PRRC2C: variants seen among roughly 807,000 people sequenced by gnomAD.
PRRC2C encodes the protein proline rich coiled-coil 2C.
PRRC2C carries 72 observed loss-of-function variants against 317.2 expected under a neutral mutation model. That is an observed-to-expected ratio of 0.23 (90% CI 0.19 to 0.28). The LOEUF (loss-of-function observed/expected upper bound fraction) is 0.28, where lower values mean the gene tolerates loss of function less well. Among genes scored for constraint, PRRC2C ranks in the 10% least tolerant of loss-of-function variants. The pLI is 1.00. For missense variants in PRRC2C, 3,074 were observed against 3,459.7 expected (o/e 0.89, Z 2.80); for synonymous variants, 1,296 against 1,205.9 (o/e 1.07, Z -1.55).
chr1:171,559,710 G>T (rs143068659), intron 19 of PRRC2C, among the ~76,000 whole-genome samples: 5 of 151,648 alleles, frequency 3.3e-5, no homozygotes, highest in African/African-American at 4.8e-5. Flanking sequence ...TCATAGAGAC[G>T]GGGTTTTGCC....
rs1156998767 is a variant in PRRC2C at position 171,522,177 on chromosome 1, A to T, written c.751A>T (p.Met251Leu). ...ACAATTTTTTGTTTCCTTCATTCAG[A>T]TGTTCCAACAGTATCCGAGGATGAC... is the stretch of plus-strand genomic sequence containing the variant. ...SQYRAMMPPY[M>L]FQQYPRMTYP... Residue 251 changes from methionine to leucine, a missense_variant and splice_region_variant, in exon 7 of 35, where the codon ATG becomes TTG. Around this residue, in one of 11 missense-constraint regions of PRRC2C, gnomAD observed 237 missense variants for 199.5 expected, o/e 1.19. Transcript: ENST00000647382. 1.3e-6 allele frequency: 2 copies of T among 1,537,638 alleles called. No homozygotes were observed. The highest frequency in any genetic ancestry group is 1.8e-6 in the Non-Finnish European group (2 of 1,131,042).
At chr1:171,523,409 A>T (rs934711623) in intron 8 of PRRC2C, 26 bp from the exon 9 acceptor site, 7 of 1,613,568 alleles carry the variant, frequency 4.3e-6, no homozygotes, top group Non-Finnish European at 5.9e-6. Flanking sequence ...TCAAGCAGCC[A>T]GTCTGAGTTT....
chr1:171,506,601 CT>C (rs71107322), intron 1 of PRRC2C, among the ~76,000 whole-genome samples: 43 of 135,738 alleles, frequency 3.2e-4, no homozygotes, highest in Non-Finnish European at 3.7e-4. Flanking sequence ...CACTTAAGGT[CT>C]TTTTTTTTTT....
At position 171,591,763 on chromosome 1, in the gene PRRC2C, C is replaced by G. The variant is rs1168492681; in HGVS notation, c.8613C>G (p.Pro2871=). The change falls in exon 35 of 35, where the codon CCC becomes CCG. Residue 2871 remains proline (P), a synonymous_variant. Transcript: ENST00000647382. ...VCQEKVEEKP[P]PAPSIATKPV... ...AGGAAAAAGTAGAAGAAAAGCCACC[C>G]CCTGCACCCTCCATAGCCACCAAAC... is the stretch of plus-strand genomic sequence containing the variant. 2 of 1,613,430 alleles carry G rather than the reference C, an allele frequency of 1.2e-6. No individual in the cohort carries two copies. Among genetic ancestry groups the G allele is most frequent in the Admixed American group, 1.7e-5 (1 of 59,970 alleles).
intron 22 of PRRC2C, 71 bp from the exon 23 acceptor site, chr1:171,568,176 C>CA (rs1174690412): frequency 5.7e-5 from 85 of 1,478,440 alleles, no homozygotes; most frequent in South Asian, 2.1e-4. Flanking sequence ...TAGCGAGACT[C>CA]AAAAAAAAGA....
intron 22 of PRRC2C, among the ~76,000 whole-genome samples, chr1:171,567,516 A>G (rs1683906629): frequency 6.6e-6 from 1 of 152,218 alleles, no homozygotes. Flanking sequence ...CTGAATTCAT[A>G]TAAGTAATAG....
At chr1:171,530,545 C>CAA (rs1675633412) in intron 11 of PRRC2C, among the ~76,000 whole-genome samples, 1 of 151,918 alleles carries the variant, frequency 6.6e-6, no homozygotes, top group East Asian at 1.9e-4. Context: ...CGTGTCTAGC[C>CAA]TGGGCCGTAT....
intron 1 of PRRC2C, among the ~76,000 whole-genome samples, chr1:171,497,174 T>A (rs545350640): frequency 1.3e-5 from 2 of 152,352 alleles, no homozygotes; most frequent in East Asian, 3.9e-4. Flanking sequence ...TGTAATGCAG[T>A]ATGTTTGATA....
chr1:171,550,366 ATCT>A (rs1679955682), intron 18 of PRRC2C, 126 bp downstream of exon 18: 2 of 783,758 alleles, frequency 2.6e-6, no homozygotes, highest in Non-Finnish European at 3.7e-6. Flanking sequence ...AAGTGACATC[ATCT>A]TCCCAACTTT....
intron 7 of PRRC2C, 150 bp from the exon 8 acceptor site, chr1:171,523,071 T>A (rs1391358725): frequency 1.6e-5 from 11 of 672,550 alleles, no homozygotes; most frequent in Non-Finnish European, 1.9e-5. Flanking sequence ...TTAATATTAA[T>A]TTTTTCATAC....
intron 1 of PRRC2C, among the ~76,000 whole-genome samples, chr1:171,499,937 A>G (rs570039767): frequency 6.6e-5 from 10 of 152,384 alleles, no homozygotes; most frequent in Non-Finnish European, 1.5e-4. Flanking sequence ...TATATGTGAT[A>G]CTTGACTATT....
rs780352711 is a variant in PRRC2C at position 171,558,125 on chromosome 1, AATG to A, written c.6016_6018del (p.Asp2006del). The A allele has an allele frequency of 1.6e-5, 26 of 1,612,034 alleles. No individual in the cohort carries two copies. Among genetic ancestry groups the A allele is most frequent in the Non-Finnish European group, 2.1e-5 (25 of 1,178,574 alleles). On this transcript the variant is annotated inframe_deletion, in exon 19 of 35. Coordinates refer to ENST00000647382, the MANE Select transcript of PRRC2C (RefSeq NM_001387844.1). ...CAAGGTGGCCCCACCAGCTGTGCTG[AATG>A]ATATCTCTAAGAAATGTAAGTTGCA...
chr1:171,577,732 AG>A (rs1358800228), intron 26 of PRRC2C, 95 bp downstream of exon 26: 16 of 1,032,356 alleles, frequency 1.5e-5, no homozygotes, highest in Admixed American at 4.8e-5. Flanking sequence ...GCTAAGCATA[AG>A]GCTCTTAAAG....
chr1:171,533,653 C>T (rs1676279156), intron 12 of PRRC2C, among the ~76,000 whole-genome samples: 2 of 152,062 alleles, frequency 1.3e-5, no homozygotes, highest in Admixed American at 1.3e-4. Flanking sequence ...GAGACAGAGT[C>T]TCTCTCTGTC....
Position 171,541,110 on chromosome 1 carries a change from G to T in PRRC2C, c.3644G>T (p.Gly1215Val). Reference sequence around the variant, plus strand: ...GGAGGGCGTGGCAGGGGTGGTAGGGGACACACTCGAGATTATCCTCAGTAT... The same window carrying T: ...GGAGGGCGTGGCAGGGGTGGTAGGGTACACACTCGAGATTATCCTCAGTAT... ...SYGGRGRGGR[G>V]HTRDYPQYRD... Residue 1215 changes from glycine to valine, a missense_variant, in exon 16 of 35, where the codon GGA (glycine) becomes GTA (valine). This residue lies in a region of PRRC2C where 1,320 missense variants were observed against 1,395.7 expected (regional missense o/e 0.95). Coordinates refer to ENST00000647382, the MANE Select transcript of PRRC2C (RefSeq NM_001387844.1). The surrounding 1 kb of genome is among the most constrained non-coding windows in gnomAD (Gnocchi z 4.1). 2 of 1,613,818 alleles carry T rather than the reference G, an allele frequency of 1.2e-6. No homozygotes were observed. Among genetic ancestry groups the T allele is most frequent in the Non-Finnish European group, 1.7e-6 (2 of 1,179,858 alleles).
intron 24 of PRRC2C, among the ~76,000 whole-genome samples, chr1:171,572,613 C>T (rs1392734383): frequency 1.3e-5 from 2 of 152,178 alleles, no homozygotes; most frequent in Admixed American, 6.5e-5. Flanking sequence ...TTTGCCTAGT[C>T]TTTACTGCCA....
chr1:171,566,111 G>T (rs1431950542), intron 20 of PRRC2C, 122 bp from the exon 21 acceptor site: 2 of 699,154 alleles, frequency 2.9e-6, no homozygotes, highest in Non-Finnish European at 4.5e-6. Flanking sequence ...AATTAATGTC[G>T]GTCTCAGTTA....
chr1:171,563,596 T>C (rs1441349768), intron 20 of PRRC2C, among the ~76,000 whole-genome samples: 1 of 152,166 alleles, frequency 6.6e-6, no homozygotes, highest in Non-Finnish European at 1.5e-5. Context: ...TTTTAATTTT[T>C]GTATAGCCTA....
In PRRC2C at chr1:171,569,846, AAT is replaced by A. The variant is rs1462829542; in HGVS notation, c.6652-1471_6652-1470del. Among the ~76,000 whole-genome samples, 161 of 151,938 alleles carry A rather than the reference AAT, an allele frequency of 1.1e-3. 1 individual carries two copies. The highest frequency in any genetic ancestry group is 2.5e-4 in the Non-Finnish European group (17 of 67,936). ...GCTTTTTGCGAAACTACCCTCTGAA[AAT>A]ATGATTTATAAAATATATAAAATAA... is the stretch of plus-strand genomic sequence containing the variant. On this transcript the variant is annotated intron_variant, in intron 23 of 34. Transcript: ENST00000647382.
Sources: gnomAD v4.1 joint callset for allele counts (sites outside exome capture counted in the v4.1 genomes callset) on GRCh38, gnomAD v4.1.1 for gene constraint, gnomAD v4.1.1 regional missense constraint, Gnocchi (gnomAD v3.1) non-coding constraint, MANE v1.5 for transcripts, NCBI Gene and HGNC (gene_info 2026-07-23, HGNC 2026-07-21) for gene names.